CCDC198: variants seen among roughly 807,000 people sequenced by gnomAD.
CCDC198 encodes the protein factor associated with metabolism and energy.
A neutral mutation model predicts 35.6 loss-of-function variants in CCDC198; 18 were observed. That is an observed-to-expected ratio of 0.51 (90% CI 0.35 to 0.75). The LOEUF is 0.75. Ranked by LOEUF, CCDC198 falls within the 30% of genes least tolerant of loss-of-function variation. CCDC198 has a pLI of 0.01. For synonymous variants in CCDC198, 119 were observed against 113.4 expected (o/e 1.05, Z -0.31); for missense variants, 365 against 343.7 (o/e 1.06, Z -0.49).
intron 3 of CCDC198, among the ~76,000 whole-genome samples, chr14:57,482,098 C>A (rs752943858): frequency 6.6e-6 from 1 of 152,094 alleles, no homozygotes; most frequent in African/African-American, 2.4e-5. Flanking sequence ...TGAAATGGAA[C>A]CTATTTCTAT....
chr14:57,487,317 G>A (rs1460075948), intron 2 of CCDC198, among the ~76,000 whole-genome samples: 2 of 152,168 alleles, frequency 1.3e-5, no homozygotes, highest in African/African-American at 4.8e-5. Flanking sequence ...GGAGATTTGG[G>A]AATCTGGTGA....
At chr14:57,486,467 C>T (rs1046218235) in intron 2 of CCDC198, among the ~76,000 whole-genome samples, 5 of 150,562 alleles carry the variant, frequency 3.3e-5, no homozygotes, top group Non-Finnish European at 5.9e-5. Flanking sequence ...CAGACTTTTC[C>T]GGGATTAAAA....
chr14:57,479,017 G>A, intron 5 of CCDC198: 1 of 1,289,266 alleles, frequency 7.8e-7, no homozygotes, highest in Non-Finnish European at 1.0e-6. Flanking sequence ...TTTCAACTGT[G>A]GGTTTGCCCT....
chr14:57,483,738 G>A (rs1238428037), intron 2 of CCDC198, among the ~76,000 whole-genome samples: 1 of 152,188 alleles, frequency 6.6e-6, no homozygotes, highest in Non-Finnish European at 1.5e-5. Context: ...AGACTGGGCA[G>A]CAATTCATGT....
At chr14:57,487,594 C>T (rs2067408230) in intron 2 of CCDC198, among the ~76,000 whole-genome samples, 1 of 152,092 alleles carries the variant, frequency 6.6e-6, no homozygotes, top group African/African-American at 2.4e-5. Flanking sequence ...TTCGGAGTTC[C>T]CTGGCAGAGG....
At chr14:57,489,076 A>T (rs1355354068) in intron 2 of CCDC198, among the ~76,000 whole-genome samples, 1 of 152,168 alleles carries the variant, frequency 6.6e-6, no homozygotes, top group Non-Finnish European at 1.5e-5. Context: ...ATCGATGCAT[A>T]TGTTAATTGC....
intron 5 of CCDC198, among the ~76,000 whole-genome samples, chr14:57,474,778 A>G (rs1463423469): frequency 1.3e-5 from 2 of 152,242 alleles, no homozygotes; most frequent in African/African-American, 4.8e-5. Flanking sequence ...AGGAAAGTGT[A>G]TCCTACTCCA....
At chr14:57,477,078 A>G (rs1413406683) in intron 5 of CCDC198, among the ~76,000 whole-genome samples, 1 of 152,224 alleles carries the variant, frequency 6.6e-6, no homozygotes, top group Non-Finnish European at 1.5e-5. Context: ...CAGACTCTTC[A>G]TCTGTAGAAG....
chr14:57,471,121 A>G lies in CCDC198; in HGVS notation c.*234T>C, dbSNP rs2066806099. The G allele has an allele frequency of 2.4e-6, 1 of 422,208 alleles. No homozygotes were observed. The highest frequency in any genetic ancestry group is 4.5e-5 in the East Asian group (1 of 22,204). The allele number at this position is 422,208 out of a possible 1,614,324, so 26.2% of individuals were successfully genotyped here. A position where few individuals can be genotyped will look rare whatever the true frequency, so the allele number is the denominator to read the frequency against. On this transcript the variant is annotated 3_prime_UTR_variant, in exon 6 of 6. Coordinates refer to ENST00000216445, the MANE Select transcript of CCDC198 (RefSeq NM_018168.4). Reference sequence around the variant, plus strand: ...TAGCTGAACTCAGCAACCCACAGGAAAGTGAGACAATAAAATGGCTCTTGG... The same window carrying G: ...TAGCTGAACTCAGCAACCCACAGGAGAGTGAGACAATAAAATGGCTCTTGG...
chr14:57,473,119 C>G (rs2066872072), intron 5 of CCDC198, among the ~76,000 whole-genome samples: 1 of 152,162 alleles, frequency 6.6e-6, no homozygotes. Flanking sequence ...ATGTATACAG[C>G]CTGGTGAGTT....
chr14:57,493,544 C>T lies in CCDC198; in HGVS notation c.172G>A (p.Glu58Lys). The change falls in exon 1 of 6, where the codon GAA becomes AAA. Residue 58 changes from glutamate to lysine, a missense_variant. Glu to Lys is a moderately conservative substitution (Grantham distance 56, BLOSUM62 1). Coordinates refer to ENST00000216445, the MANE Select transcript of CCDC198 (RefSeq NM_018168.4). ...ARLQDQNKAL[E>K]GQLPPLQENW... ...TCTTGTAAAGGTGGCAGCTGCCCTT[C>T]CAAGGCTTTATTCTGGTCCTGCAGT... 1 of 1,613,980 alleles carries T rather than the reference C, an allele frequency of 6.2e-7. No homozygotes were observed. Among genetic ancestry groups the T allele is most frequent in the Non-Finnish European group, 8.5e-7 (1 of 1,179,906 alleles).
Position 57,480,630 on chromosome 14 carries a change from G to T in CCDC198, c.620C>A (p.Thr207Asn), listed in dbSNP as rs1333117556. The change falls in exon 5 of 6, where the codon ACC (threonine) becomes AAC (asparagine). Residue 207 changes from threonine (T) to asparagine (N), a missense_variant. Thr to Asn is a moderately conservative substitution (Grantham distance 65). Coordinates refer to ENST00000216445, the MANE Select transcript of CCDC198 (RefSeq NM_018168.4). Reference protein sequence around the residue: ...TPRNDDHDLLTMLPDEILNRG... With the variant: ...TPRNDDHDLLNMLPDEILNRG... ...GTTCAAGATTTCATCAGGCAACATG[G>T]TTAGAAGGTCATGGTCATCATTCCT... 1.9e-6 allele frequency: 3 copies of T among 1,614,026 alleles called. No individual in the cohort carries two copies. The highest frequency in any genetic ancestry group is 2.5e-6 in the Non-Finnish European group (3 of 1,180,018).
chr14:57,482,526 C>T (rs2067221803), intron 3 of CCDC198, among the ~76,000 whole-genome samples: 1 of 152,116 alleles, frequency 6.6e-6, no homozygotes, highest in South Asian at 2.1e-4. Flanking sequence ...TCTGCTTCTA[C>T]CTCTAAGCTT....
chr14:57,471,204 C>T lies in CCDC198; in HGVS notation c.*151G>A, dbSNP rs766934565. ...CAGCAATAGTTAACAGCACATGTGA[C>T]GGACTTGTTAATCATAAGACTCTAA... On this transcript the variant is annotated 3_prime_UTR_variant, in exon 6 of 6. Transcript: ENST00000216445. 1.2e-4 allele frequency: 70 copies of T among 608,384 alleles called. 1 individual carries two copies. Among genetic ancestry groups the T allele is most frequent in the South Asian group, 7.7e-4 (34 of 44,062 alleles). The allele number at this position is 608,384 out of a possible 1,614,324, so 37.7% of individuals were successfully genotyped here.
At chr14:57,478,427 C>A (rs562053595) in intron 5 of CCDC198, 152 of 980,308 alleles carry the variant, frequency 1.6e-4, no homozygotes, top group Non-Finnish European at 1.8e-4. Context: ...TAAAGGCAAA[C>A]CACAGTACCT....
At chr14:57,492,275 G>T (rs1342084744) in intron 1 of CCDC198, among the ~76,000 whole-genome samples, 1 of 151,980 alleles carries the variant, frequency 6.6e-6, no homozygotes, top group African/African-American at 2.4e-5. Context: ...GGATTCTCAT[G>T]ATCTTGTTAT....
intron 2 of CCDC198, among the ~76,000 whole-genome samples, chr14:57,485,457 C>A (rs1310812899): frequency 6.6e-6 from 1 of 152,140 alleles, no homozygotes; most frequent in Non-Finnish European, 1.5e-5. Context: ...AAGGCACATG[C>A]TAATTTACTT....
intron 4 of CCDC198, 148 bp downstream of exon 4, chr14:57,481,411 C>T: frequency 1.7e-6 from 1 of 583,170 alleles, no homozygotes; most frequent in Non-Finnish European, 3.0e-6. Flanking sequence ...CCTGATTCTT[C>T]TCAGCTTTAG....
Position 57,471,205 on chromosome 14 carries a change from G to A in CCDC198, c.*150C>T, listed in dbSNP as rs1366259954. 4.8e-5 allele frequency: 29 copies of A among 609,104 alleles called. No individual in the cohort carries two copies. The highest frequency in any genetic ancestry group is 4.1e-4 in the East Asian group (14 of 34,200). The allele number at this position is 609,104 out of a possible 1,614,324, so 37.7% of individuals were successfully genotyped here. On this transcript the variant is annotated 3_prime_UTR_variant, in exon 6 of 6. Transcript: ENST00000216445. Reference sequence around the variant, plus strand: ...AGCAATAGTTAACAGCACATGTGACGGACTTGTTAATCATAAGACTCTAAA... The same window carrying A: ...AGCAATAGTTAACAGCACATGTGACAGACTTGTTAATCATAAGACTCTAAA...
Sources: allele counts gnomAD v4.1 joint callset (sites outside exome capture counted in the v4.1 genomes callset), GRCh38; gene constraint gnomAD v4.1.1; transcripts MANE v1.5; gene names NCBI Gene and HGNC (gene_info 2026-07-23, HGNC 2026-07-21).